The following SGK3 variants were observed in gnomAD, a reference collection of about 807,000 sequenced individuals.
SGK3 encodes the protein serine/threonine-protein kinase Sgk3.
A neutral mutation model predicts 68.5 loss-of-function variants in SGK3; 47 were observed. The ratio of observed to expected loss-of-function variants is 0.69; its 90% confidence interval spans 0.54 to 0.87. SGK3 has a LOEUF of 0.87. SGK3 is among the 40% of genes least tolerant of loss of function. SGK3 has a pLI of 0.00. For missense variants in SGK3, 479 were observed against 575.5 expected (o/e 0.83, Z 1.72); for synonymous variants, 181 against 189.1 (o/e 0.96, Z 0.35).
At chr8:66,782,830 A>G (rs926175504) in intron 1 of SGK3, among the ~76,000 whole-genome samples, 3 of 152,176 alleles carry the variant, frequency 2.0e-5, no homozygotes, top group South Asian at 4.1e-4. Flanking sequence ...TTAGCACTGA[A>G]AAGTATTTCA....
chr8:66,773,907 A>G (rs1019177148), intron 1 of SGK3, among the ~76,000 whole-genome samples: 3 of 152,212 alleles, frequency 2.0e-5, no homozygotes, highest in Non-Finnish European at 4.4e-5. Context: ...AACTGTTGAT[A>G]AGGGTATGTG....
chr8:66,851,256 T>C (rs1810270682), intron 16 of SGK3, among the ~76,000 whole-genome samples: 1 of 152,048 alleles, frequency 6.6e-6, no homozygotes, highest in Non-Finnish European at 1.5e-5. Flanking sequence ...GGTGGGCAGA[T>C]CACTCCCAGC....
At chr8:66,728,178 ATTAC>A in intron 1 of SGK3, among the ~76,000 whole-genome samples, 1 of 152,248 alleles carries the variant, frequency 6.6e-6, no homozygotes, top group East Asian at 1.9e-4. Flanking sequence ...GTAATGACAA[ATTAC>A]TTTCTTTCTC....
chr8:66,753,712 C>T (rs908562879), intron 1 of SGK3, among the ~76,000 whole-genome samples: 11 of 152,024 alleles, frequency 7.2e-5, no homozygotes, highest in Non-Finnish European at 1.0e-4. Context: ...CCCAGCTACT[C>T]AGGAGGCTGA....
intron 1 of SGK3, among the ~76,000 whole-genome samples, chr8:66,765,150 A>G (rs1585684196): frequency 1.3e-5 from 2 of 152,262 alleles, no homozygotes; most frequent in South Asian, 2.1e-4. Context: ...TGTTTTCCAC[A>G]GCAGCCACAC....
chr8:66,729,576 T>C (rs895485679), intron 1 of SGK3, among the ~76,000 whole-genome samples: 1 of 152,226 alleles, frequency 6.6e-6, no homozygotes, highest in Non-Finnish European at 1.5e-5. Flanking sequence ...CATATAATAC[T>C]GCTATGAATA....
chr8:66,718,171 G>A (rs1181529710), intron 1 of SGK3, among the ~76,000 whole-genome samples: 1 of 151,460 alleles, frequency 6.6e-6, no homozygotes, highest in African/African-American at 2.4e-5. Flanking sequence ...GACTACAGGC[G>A]CCTACCACCA....
At chr8:66,777,317 G>A (rs944345460) in intron 1 of SGK3, among the ~76,000 whole-genome samples, 7 of 152,166 alleles carry the variant, frequency 4.6e-5, no homozygotes, top group African/African-American at 1.4e-4. Flanking sequence ...TTCCATGTGG[G>A]TAAAGTTGTT....
chr8:66,732,598 A>G (rs914577501), intron 1 of SGK3, among the ~76,000 whole-genome samples: 1 of 152,230 alleles, frequency 6.6e-6, no homozygotes, highest in Admixed American at 6.5e-5. Context: ...TGTTCCCAGC[A>G]CTTCGGGAGG....
chr8:66,735,624 T>A (rs970488687), intron 1 of SGK3, among the ~76,000 whole-genome samples: 5 of 143,550 alleles, frequency 3.5e-5, no homozygotes, highest in African/African-American at 1.5e-4. Flanking sequence ...CAGTATTAAA[T>A]AGAGTTTCAG....
intron 16 of SGK3, among the ~76,000 whole-genome samples, chr8:66,855,718 C>CA (rs1810482744): frequency 6.6e-6 from 1 of 152,080 alleles, no homozygotes; most frequent in Admixed American, 6.6e-5. Context: ...AAAAGAAATA[C>CA]AAATAGCTTT....
At chr8:66,842,131 G>A (rs573299637) in intron 13 of SGK3, among the ~76,000 whole-genome samples, 2 of 151,014 alleles carry the variant, frequency 1.3e-5, no homozygotes, top group African/African-American at 4.9e-5. Flanking sequence ...TATAACCATT[G>A]TGTTTTGGTT....
At chr8:66,744,483 G>GTATATATATATATATATATATATA (rs869176585) in intron 1 of SGK3, among the ~76,000 whole-genome samples, 1 of 40,746 alleles carries the variant, frequency 2.5e-5, no homozygotes, top group Non-Finnish European at 4.9e-5. Flanking sequence ...GTGTGTGTGT[G>GTATATATATATATATATATATATA]TATATATATA....
At chr8:66,734,228 C>CTTTTTTTTTTTTTTTTT (rs529741200) in intron 1 of SGK3, among the ~76,000 whole-genome samples, 11 of 104,224 alleles carry the variant, frequency 1.1e-4, no homozygotes, top group South Asian at 3.3e-4. Flanking sequence ...CTTTTTCTTT[C>CTTTTTTTTTTTTTTTTT]TTTTTTTTTT....
At chr8:66,723,223 A>T (rs1455954123) in intron 1 of SGK3, among the ~76,000 whole-genome samples, 2 of 135,384 alleles carry the variant, frequency 1.5e-5, no homozygotes, top group African/African-American at 2.8e-5. Context: ...AGGCGGGTGG[A>T]TCACCTGAGG....
intron 1 of SGK3, among the ~76,000 whole-genome samples, chr8:66,753,650 C>T (rs1805892295): frequency 6.6e-6 from 1 of 152,098 alleles, no homozygotes; most frequent in South Asian, 2.1e-4. Flanking sequence ...CATGGAGAAA[C>T]CCCGTCTCTA....
chr8:66,849,287 G>A (rs1483636127), intron 15 of SGK3, among the ~76,000 whole-genome samples: 3 of 152,090 alleles, frequency 2.0e-5, no homozygotes, highest in Non-Finnish European at 2.9e-5. Flanking sequence ...CTCAGATGCC[G>A]CTATTGTCCC....
chr8:66,858,166 CT>C (rs1290597564), intron 16 of SGK3, among the ~76,000 whole-genome samples: 1 of 152,058 alleles, frequency 6.6e-6, no homozygotes, highest in African/African-American at 2.4e-5. Context: ...TTTATGGAAG[CT>C]CAAATACAAA....
chr8:66,731,976 A>G (rs1463143686), intron 1 of SGK3, among the ~76,000 whole-genome samples: 1 of 152,220 alleles, frequency 6.6e-6, no homozygotes, highest in Non-Finnish European at 1.5e-5. Flanking sequence ...TCAAACTAGC[A>G]TTCATATTTT....
Sources: gnomAD v4.1 joint callset for allele counts (sites outside exome capture counted in the v4.1 genomes callset) on GRCh38, gnomAD v4.1.1 for gene constraint, MANE v1.5 for transcripts, NCBI Gene and HGNC (gene_info 2026-07-23, HGNC 2026-07-21) for gene names.